Variants in TRIP4 observed in about 807,000 individuals in gnomAD.
The protein encoded by TRIP4 is thyroid hormone receptor interactor 4.
A neutral mutation model predicts 81.8 loss-of-function variants in TRIP4; 54 were observed. The observed-to-expected ratio is 0.66, with a 90% CI of 0.53 to 0.83. TRIP4 has a LOEUF of 0.83. Ranked by LOEUF, TRIP4 falls within the 40% of genes least tolerant of loss-of-function variation. The pLI is 0.00. For synonymous variants in TRIP4, 270 were observed against 242.8 expected, an observed-to-expected ratio of 1.11 and a Z score of -1.04; for missense variants, 662 against 683.6, an observed-to-expected ratio of 0.97 and a Z score of 0.35.
chr15:64,441,090 G>A (rs1340944035), intron 11 of TRIP4, among the ~76,000 whole-genome samples: 5 of 151,772 alleles, frequency 3.3e-5, no homozygotes, highest in Non-Finnish European at 7.4e-5. Context: ...TCCGCCTCCC[G>A]GGTTCACGCC....
chr15:64,412,793 A>C (rs1326057516), intron 7 of TRIP4, among the ~76,000 whole-genome samples: 1 of 152,188 alleles, frequency 6.6e-6, no homozygotes. Context: ...AGTACTGTAG[A>C]GCTATAGAAT....
chr15:64,409,190 CAA>C (rs779332196), intron 6 of TRIP4, among the ~76,000 whole-genome samples: 12 of 123,082 alleles, frequency 9.7e-5, no homozygotes, highest in Non-Finnish European at 6.9e-5. Context: ...GACTCTGTCT[CAA>C]AAAAAAAAAA....
At chr15:64,450,668 G>C (rs1892738037) in intron 12 of TRIP4, 2 of 455,842 alleles carry the variant, frequency 4.4e-6, no homozygotes, top group African/African-American at 2.0e-5. Context: ...TTTTTAGGCA[G>C]CCTAGAGGAT....
In TRIP4 at chr15:64,395,531, G is replaced by A; in HGVS notation, c.405G>A (p.Lys135=). ...TTAAAACACCTTTTGATTTGGCCAAGGTGAGTGCTTATAGATTGAAGCTTT... is the reference window on the plus strand; with the variant it reads ...TTAAAACACCTTTTGATTTGGCCAAAGTGAGTGCTTATAGATTGAAGCTTT... ...AEVKTPFDLA[K]AQENSNSVKK... Residue 135 remains lysine (K), a splice_region_variant and synonymous_variant, in exon 3 of 13, where the codon AAG becomes AAA. Transcript: ENST00000261884. 1.2e-6 allele frequency: 2 copies of A among 1,607,704 alleles called. No homozygotes were observed. The highest frequency in any genetic ancestry group is 1.7e-4 in the Middle Eastern group (1 of 6,032).
At chr15:64,437,016 G>C (rs1429299262) in intron 11 of TRIP4, among the ~76,000 whole-genome samples, 1 of 151,440 alleles carries the variant, frequency 6.6e-6, no homozygotes, top group African/African-American at 2.4e-5. Context: ...CTAGGTGACC[G>C]TCTATGTCTT....
intron 12 of TRIP4, among the ~76,000 whole-genome samples, chr15:64,451,807 C>T (rs1892770030): frequency 6.6e-6 from 1 of 151,458 alleles, no homozygotes; most frequent in African/African-American, 2.4e-5. Context: ...ACACCCTCCA[C>T]CACGCCCAAC....
chr15:64,395,194 G>C (rs1470755345), intron 2 of TRIP4, among the ~76,000 whole-genome samples: 1 of 152,088 alleles, frequency 6.6e-6, no homozygotes, highest in Non-Finnish European at 1.5e-5. Context: ...CCACTTGTTT[G>C]ACTTCTTTTT....
At chr15:64,454,905 G>A in intron 12 of TRIP4, 92 bp from the exon 13 acceptor site, 1 of 1,130,518 alleles carries the variant, frequency 8.8e-7, no homozygotes, top group East Asian at 2.4e-5. Context: ...GAATGTGACA[G>A]GAACACAGTA....
chr15:64,416,143 A>C (rs1249407843), intron 8 of TRIP4, among the ~76,000 whole-genome samples: 1 of 152,132 alleles, frequency 6.6e-6, no homozygotes, highest in East Asian at 1.9e-4. Flanking sequence ...AGGTGGGAGG[A>C]TCACTTGAGA....
chr15:64,431,831 TTATA>T (rs1223726422), intron 11 of TRIP4, among the ~76,000 whole-genome samples: 1 of 42,410 alleles, frequency 2.4e-5, no homozygotes, highest in African/African-American at 4.5e-5. Flanking sequence ...ACCATTTATA[TTATA>T]TATATATATA....
At chr15:64,428,757 T>A (rs184865407) in intron 11 of TRIP4, among the ~76,000 whole-genome samples, 4 of 152,034 alleles carry the variant, frequency 2.6e-5, no homozygotes, top group Admixed American at 2.6e-4. Flanking sequence ...TACAGGCACA[T>A]ACCACCACAC....
intron 11 of TRIP4, among the ~76,000 whole-genome samples, chr15:64,431,324 C>G (rs184952332): frequency 1.5e-4 from 23 of 152,230 alleles, no homozygotes; most frequent in African/African-American, 5.1e-4. Context: ...TTACTAACAA[C>G]TAGCTTAACC....
intron 6 of TRIP4, among the ~76,000 whole-genome samples, chr15:64,407,102 A>T (rs951345813): frequency 6.6e-6 from 1 of 152,058 alleles, no homozygotes; most frequent in Non-Finnish European, 1.5e-5. Flanking sequence ...GTGGTAAAAA[A>T]TGTTTGGATA....
At chr15:64,401,311 T>C (rs1365848024) in intron 5 of TRIP4, among the ~76,000 whole-genome samples, 1 of 151,960 alleles carries the variant, frequency 6.6e-6, no homozygotes, top group Non-Finnish European at 1.5e-5. Flanking sequence ...ATGTTTTGTA[T>C]TTTTTAGTAG....
rs112906445 is a variant in TRIP4, at chr15:64,418,736, T to C, written c.1358+8T>C. ...TGTCAGAGGGATTAAAAGGTAAGAATAAAAATGAATCTGGGCAGTGGAAGA... is the reference window on the plus strand; with the variant it reads ...TGTCAGAGGGATTAAAAGGTAAGAACAAAAATGAATCTGGGCAGTGGAAGA... On this transcript the variant is annotated splice_region_variant and intron_variant, in intron 9 of 12. Coordinates refer to ENST00000261884, the MANE Select transcript of TRIP4 (RefSeq NM_016213.5). 10 of 1,600,658 alleles carry C rather than the reference T, an allele frequency of 6.2e-6. No homozygotes were observed. The highest frequency in any genetic ancestry group is 4.0e-5 in the African/African-American group (3 of 74,492).
chr15:64,444,977 C>G (rs1429604495), intron 11 of TRIP4, 29 bp from the exon 12 acceptor site: 2 of 1,267,002 alleles, frequency 1.6e-6, no homozygotes, highest in Admixed American at 4.0e-5. Flanking sequence ...TCCCAACTAT[C>G]CTGAACTTTT....
At chr15:64,438,024 G>A (rs1244222356) in intron 11 of TRIP4, among the ~76,000 whole-genome samples, 2 of 152,178 alleles carry the variant, frequency 1.3e-5, no homozygotes, top group Non-Finnish European at 2.9e-5. Context: ...GGTGAGAGAA[G>A]TCTAGGATCA....
chr15:64,446,623 C>T (rs1185242325), intron 12 of TRIP4, among the ~76,000 whole-genome samples: 2 of 151,052 alleles, frequency 1.3e-5, no homozygotes, highest in Admixed American at 6.6e-5. Context: ...AGGCTGGTCT[C>T]GAACTCCTGA....
At chr15:64,433,749 G>A (rs191438913) in intron 11 of TRIP4, among the ~76,000 whole-genome samples, 11 of 152,306 alleles carry the variant, frequency 7.2e-5, no homozygotes, top group Middle Eastern at 6.8e-3. Flanking sequence ...TGAAGTTATC[G>A]GCCTCTATGG....
Sources: gnomAD v4.1 joint callset for allele counts (sites outside exome capture counted in the v4.1 genomes callset) on GRCh38, gnomAD v4.1.1 for gene constraint, MANE v1.5 for transcripts, NCBI Gene and HGNC (gene_info 2026-07-23, HGNC 2026-07-21) for gene names.